The following RNGTT variants were observed in gnomAD, a reference collection of about 807,000 sequenced individuals.
The protein encoded by RNGTT is mRNA-capping enzyme.
RNGTT carries 33 observed loss-of-function variants against 79.3 expected under a neutral mutation model. The observed-to-expected ratio is 0.42, with a 90% CI of 0.32 to 0.56. The LOEUF (loss-of-function observed/expected upper bound fraction) is 0.56, where lower values mean the gene tolerates loss of function less well. Ranked by LOEUF, RNGTT falls within the 20% of genes least tolerant of loss-of-function variation. The pLI, the probability that RNGTT is intolerant of heterozygous loss-of-function variation, is 0.17. For synonymous variants in RNGTT, 222 were observed against 235.9 expected (o/e 0.94, Z 0.54); for missense variants, 497 against 739.1 (o/e 0.67, Z 3.80).
At chr6:88,731,871 CAT>C (rs1777127557) in intron 13 of RNGTT, among the ~76,000 whole-genome samples, 2 of 151,942 alleles carry the variant, frequency 1.3e-5, no homozygotes, top group Admixed American at 6.6e-5. Flanking sequence ...AATCAATTAA[CAT>C]ATATTTTGTA....
chr6:88,732,116 A>G (rs1302231295), intron 13 of RNGTT, among the ~76,000 whole-genome samples: 4 of 152,190 alleles, frequency 2.6e-5, no homozygotes, highest in Admixed American at 6.5e-5. Context: ...ATCCAAGTTA[A>G]GTAGACTCAC....
chr6:88,868,148 CAA>C (rs758000624), intron 8 of RNGTT, among the ~76,000 whole-genome samples: 1 of 132,298 alleles, frequency 7.6e-6, no homozygotes, highest in Non-Finnish European at 1.7e-5. Context: ...ACCTGATTTC[CAA>C]AAAAAAAAAA....
chr6:88,905,150 G>T (rs968954640), intron 5 of RNGTT, among the ~76,000 whole-genome samples, 195 bp from the exon 6 acceptor site: 1 of 152,072 alleles, frequency 6.6e-6, no homozygotes, highest in Non-Finnish European at 1.5e-5. Context: ...TTAATATAAG[G>T]TATTCAGAAA....
chr6:88,752,995 G>A (rs1777889705), intron 13 of RNGTT, among the ~76,000 whole-genome samples: 1 of 151,798 alleles, frequency 6.6e-6, no homozygotes, highest in Non-Finnish European at 1.5e-5. Flanking sequence ...ATACTCTTTG[G>A]AGAAAAAGCT....
chr6:88,912,408 C>T (rs1183836383), intron 4 of RNGTT, among the ~76,000 whole-genome samples: 1 of 151,612 alleles, frequency 6.6e-6, no homozygotes, highest in African/African-American at 2.4e-5. Context: ...GACCCTGCCA[C>T]CAAAAATAAA....
intron 12 of RNGTT, among the ~76,000 whole-genome samples, chr6:88,789,703 A>G (rs1779342561): frequency 6.6e-6 from 1 of 152,232 alleles, no homozygotes; most frequent in African/African-American, 2.4e-5. Context: ...ACTAGCACCA[A>G]ACACAGTTGG....
chr6:88,703,386 A>T (rs1285536185), intron 13 of RNGTT, among the ~76,000 whole-genome samples: 1 of 152,230 alleles, frequency 6.6e-6, no homozygotes, highest in Admixed American at 6.5e-5. Flanking sequence ...GGACAAAATC[A>T]TGTCCTTTGT....
At chr6:88,739,534 T>C (rs1777396276) in intron 13 of RNGTT, among the ~76,000 whole-genome samples, 1 of 151,692 alleles carries the variant, frequency 6.6e-6, no homozygotes, top group African/African-American at 2.4e-5. Flanking sequence ...AACAAGAAAG[T>C]AATTAGAGAG....
chr6:88,726,306 C>G lies in RNGTT; in HGVS notation c.1439+43468G>C, dbSNP rs139168190. 5.1e-3 allele frequency among the ~76,000 whole-genome samples: 768 copies of G among 150,404 alleles called. 2 individuals carry two copies. The highest frequency in any genetic ancestry group is 8.8e-3 in the Non-Finnish European group (593 of 67,764). On this transcript the variant is annotated intron_variant, in intron 13 of 15. Coordinates refer to ENST00000369485, the MANE Select transcript of RNGTT (RefSeq NM_003800.5). ...TTCAATCTGTACCGGCAACTGCTCT[C>G]CTAACAGAAGAAAGTAGAAAAACAA... is the stretch of plus-strand genomic sequence containing the variant.
chr6:88,802,484 G>A (rs1779823891), intron 11 of RNGTT, among the ~76,000 whole-genome samples: 1 of 152,102 alleles, frequency 6.6e-6, no homozygotes. Flanking sequence ...TATCACTGAT[G>A]GAGGCCTGAA....
chr6:88,764,418 C>T (rs1016125880), intron 13 of RNGTT, among the ~76,000 whole-genome samples: 4 of 152,174 alleles, frequency 2.6e-5, no homozygotes, highest in Admixed American at 6.5e-5. Context: ...TCTCAACAGA[C>T]TAGACCAATT....
At chr6:88,815,564 G>A (rs920156093) in intron 11 of RNGTT, among the ~76,000 whole-genome samples, 4 of 152,138 alleles carry the variant, frequency 2.6e-5, no homozygotes, top group Admixed American at 6.5e-5. Context: ...TGGCCTAAAC[G>A]TATTCCAATA....
chr6:88,698,280 TTCATATATATCATATATA>T (rs1204987077), intron 13 of RNGTT, among the ~76,000 whole-genome samples: 2 of 114,664 alleles, frequency 1.7e-5, no homozygotes, highest in South Asian at 2.6e-4. Context: ...ATATATATAT[TTCATATATATCATATATA>T]TATGAAATAT....
intron 12 of RNGTT, among the ~76,000 whole-genome samples, chr6:88,788,417 A>G (rs1779299625): frequency 6.6e-6 from 1 of 152,222 alleles, no homozygotes; most frequent in African/African-American, 2.4e-5. Flanking sequence ...GTATTTCAAG[A>G]AAGAGTGAAC....
intron 1 of RNGTT, among the ~76,000 whole-genome samples, chr6:88,949,191 C>CAAAAAA (rs1785158905): frequency 9.6e-6 from 1 of 103,758 alleles, no homozygotes; most frequent in Non-Finnish European, 2.1e-5. Context: ...AAATGAAAAG[C>CAAAAAA]TCTTGGAGGC....
At chr6:88,838,715 C>A (rs1781164576) in intron 11 of RNGTT, among the ~76,000 whole-genome samples, 1 of 152,068 alleles carries the variant, frequency 6.6e-6, no homozygotes, top group Non-Finnish European at 1.5e-5. Context: ...CATTACAATT[C>A]CAACCAAAAT....
intron 14 of RNGTT, among the ~76,000 whole-genome samples, chr6:88,655,713 T>C (rs1478291444): frequency 6.6e-6 from 1 of 152,210 alleles, no homozygotes; most frequent in African/African-American, 2.4e-5. Flanking sequence ...CTTTCTGCAG[T>C]GTCAAAGTGG....
intron 14 of RNGTT, among the ~76,000 whole-genome samples, chr6:88,632,965 T>C (rs1772959032): frequency 6.6e-6 from 1 of 152,214 alleles, no homozygotes. Context: ...GAGGCTGTCC[T>C]GGCTGGGCAA....
chr6:88,772,276 A>T (rs985143579), intron 12 of RNGTT, among the ~76,000 whole-genome samples: 3 of 143,484 alleles, frequency 2.1e-5, no homozygotes, highest in African/African-American at 7.6e-5. Flanking sequence ...TGATTTCTTT[A>T]AAAAAAAAAA....
Sources: gnomAD v4.1 joint callset for allele counts (sites outside exome capture counted in the v4.1 genomes callset) on GRCh38, gnomAD v4.1.1 for gene constraint, MANE v1.5 for transcripts, NCBI Gene and HGNC (gene_info 2026-07-23, HGNC 2026-07-21) for gene names.